EYS: variants seen among roughly 807,000 people sequenced by gnomAD.
The protein encoded by EYS is protein eyes shut homolog.
In EYS, 250 loss-of-function variants were observed where a neutral mutation model predicts 282.1. The observed-to-expected ratio is 0.89, with a 90% confidence interval of 0.80 to 0.98. The LOEUF is 0.98. Ranked by LOEUF, EYS falls within the 50% of genes least tolerant of loss-of-function variation. The probability of loss-of-function intolerance (pLI) is 0.00; values close to 1 mark genes in which losing one functional copy is unlikely to be tolerated. For synonymous variants in EYS, 1,355 were observed against 1,282.9 expected (o/e 1.06, Z -1.20); for missense variants, 4,016 against 3,709.0 (o/e 1.08, Z -2.15).
intron 31 of EYS, among the ~76,000 whole-genome samples, chr6:64,193,539 T>C (rs1765182906): frequency 6.6e-6 from 1 of 152,086 alleles, no homozygotes; most frequent in African/African-American, 2.4e-5. Flanking sequence ...CTAGGGTACA[T>C]GTGCACAACC....
intron 11 of EYS, among the ~76,000 whole-genome samples, chr6:65,297,794 T>A (rs945293099): frequency 3.3e-5 from 5 of 151,854 alleles, no homozygotes; most frequent in Non-Finnish European, 5.9e-5. Context: ...TCCCTCCACA[T>A]ACAGAAAAAG....
At chr6:65,640,599 G>A (rs147308950) in intron 1 of EYS, among the ~76,000 whole-genome samples, 232 of 152,196 alleles carry the variant, frequency 1.5e-3, no homozygotes, top group African/African-American at 5.5e-3. Context: ...GAGTTTTGCT[G>A]TTATTGTTCT....
chr6:63,774,527 A>G (rs534162652), intron 40 of EYS, among the ~76,000 whole-genome samples: 34 of 152,310 alleles, frequency 2.2e-4, no homozygotes, highest in African/African-American at 7.9e-4. Context: ...ACAGGTTACT[A>G]TACAACATGG....
chr6:64,745,379 T>G (rs1382618061), intron 22 of EYS, among the ~76,000 whole-genome samples: 1 of 152,200 alleles, frequency 6.6e-6, no homozygotes, highest in East Asian at 1.9e-4. Context: ...ATGCAGTTTA[T>G]TTTGTTAATG....
intron 26 of EYS, among the ~76,000 whole-genome samples, chr6:64,494,915 A>T (rs1315133208): frequency 6.6e-6 from 1 of 151,726 alleles, no homozygotes; most frequent in Non-Finnish European, 1.5e-5. Flanking sequence ...TGTTATAAAT[A>T]TCTATATGAT....
chr6:65,092,643 G>T (rs1340077952), intron 12 of EYS, among the ~76,000 whole-genome samples: 2 of 152,062 alleles, frequency 1.3e-5, no homozygotes, highest in Non-Finnish European at 2.9e-5. Context: ...TTTTTTAGTT[G>T]CCGTGATAGC....
intron 5 of EYS, among the ~76,000 whole-genome samples, chr6:65,457,785 A>G (rs1328120811): frequency 6.6e-6 from 1 of 152,182 alleles, no homozygotes; most frequent in African/African-American, 2.4e-5. Flanking sequence ...AAACATTCTT[A>G]TATATGTTCC....
At chr6:63,803,737 A>C (rs1770834676) in intron 37 of EYS, among the ~76,000 whole-genome samples, 1 of 152,214 alleles carries the variant, frequency 6.6e-6, no homozygotes, top group South Asian at 2.1e-4. Flanking sequence ...ATGGTCAGAC[A>C]CTGGGCTAAG....
intron 26 of EYS, among the ~76,000 whole-genome samples, chr6:64,564,267 CCTTTTTT>C (rs1765490422): frequency 2.2e-5 from 1 of 44,798 alleles, no homozygotes; most frequent in Non-Finnish European, 4.6e-5. Flanking sequence ...TATCTTTTGT[CCTTTTTT>C]TTTTTTTTTT....
intron 29 of EYS, among the ~76,000 whole-genome samples, chr6:64,381,694 A>G (rs1772752595): frequency 6.6e-6 from 1 of 152,208 alleles, no homozygotes; most frequent in African/African-American, 2.4e-5. Flanking sequence ...TTTCACCTAA[A>G]CAGGAAAATT....
intron 29 of EYS, among the ~76,000 whole-genome samples, chr6:64,358,264 C>G (rs545120438): frequency 6.6e-6 from 1 of 151,736 alleles, no homozygotes; most frequent in East Asian, 2.0e-4. Flanking sequence ...CTGAAAGGCT[C>G]TTTCACCAGA....
intron 26 of EYS, among the ~76,000 whole-genome samples, chr6:64,537,498 C>T (rs1764558630): frequency 6.6e-6 from 1 of 152,060 alleles, no homozygotes; most frequent in East Asian, 1.9e-4. Context: ...TTAAAAAGTC[C>T]ATTTTGTTGA....
rs911630635 is a variant in EYS at position 65,402,294 on chromosome 6, T to C, written c.1184+184A>G. On this transcript the variant is annotated intron_variant, in intron 7 of 42. Transcript: ENST00000503581. ...ATTTCTCAATTTCTCAAATATTTAT[T>C]TTAAATTAATACCACAACAATTAAC... Among the ~76,000 whole-genome samples, 3 of 151,880 alleles carry C rather than the reference T, an allele frequency of 2.0e-5. No homozygotes were observed. In the South Asian group the frequency reaches 6.2e-4, roughly 31 times the overall value.
At chr6:64,530,601 T>A (rs1764296520) in intron 26 of EYS, among the ~76,000 whole-genome samples, 1 of 152,118 alleles carries the variant, frequency 6.6e-6, no homozygotes. Flanking sequence ...TTTTCTAAGT[T>A]AAAAAGCATC....
chr6:65,147,548 A>G (rs1010327167), intron 12 of EYS, among the ~76,000 whole-genome samples: 1 of 152,050 alleles, frequency 6.6e-6, no homozygotes, highest in Non-Finnish European at 1.5e-5. Context: ...GTCTCATGTC[A>G]TATATTTAGG....
intron 5 of EYS, among the ~76,000 whole-genome samples, chr6:65,423,301 G>A (rs1436374476): frequency 1.3e-5 from 2 of 151,810 alleles, no homozygotes; most frequent in Non-Finnish European, 2.9e-5. Context: ...TATTCAAAAT[G>A]TTAAATTATT....
chr6:65,595,944 T>A (rs1285494282), intron 2 of EYS, among the ~76,000 whole-genome samples: 1 of 152,138 alleles, frequency 6.6e-6, no homozygotes, highest in Non-Finnish European at 1.5e-5. Flanking sequence ...GCTCTGAGTG[T>A]TGCTATTTCT....
intron 8 of EYS, among the ~76,000 whole-genome samples, chr6:65,361,042 C>G (rs1322815963): frequency 1.3e-5 from 2 of 151,704 alleles, no homozygotes; most frequent in Admixed American, 6.6e-5. Flanking sequence ...GTACTTTTAC[C>G]CAAGGTATTA....
At chr6:64,870,494 T>A (rs1766563506) in intron 19 of EYS, among the ~76,000 whole-genome samples, 1 of 130,324 alleles carries the variant, frequency 7.7e-6, no homozygotes, top group Non-Finnish European at 1.6e-5. Flanking sequence ...CATTATAAGA[T>A]CAAAATATCC....
Sources: gnomAD v4.1 joint callset for allele counts (sites outside exome capture counted in the v4.1 genomes callset) on GRCh38, gnomAD v4.1.1 for gene constraint, MANE v1.5 for transcripts, NCBI Gene and HGNC (gene_info 2026-07-23, HGNC 2026-07-21) for gene names.